MACROD2: variants seen among roughly 807,000 people sequenced by gnomAD.
MACROD2 encodes mono-ADP ribosylhydrolase 2, also known as ADP-ribose glycohydrolase MACROD2.
A neutral mutation model predicts 70.4 loss-of-function variants in MACROD2; 36 were observed. The observed-to-expected ratio is 0.51, with a 90% confidence interval of 0.39 to 0.68. The LOEUF (loss-of-function observed/expected upper bound fraction) is 0.68, where lower values mean the gene tolerates loss of function less well. Among genes scored for constraint, MACROD2 ranks in the 30% least tolerant of loss-of-function variants. The pLI is 0.00. For synonymous variants in MACROD2, 172 were observed against 178.8 expected (o/e 0.96, Z 0.30); for missense variants, 496 against 538.4 (o/e 0.92, Z 0.78).
rs144304678 is a variant in MACROD2 at position 15,864,846 on chromosome 20, G to A, written c.727+2020G>A. On this transcript the variant is annotated intron_variant, in intron 9 of 17. Coordinates refer to ENST00000684519, the MANE Select transcript of MACROD2 (RefSeq NM_001351661.2). ...ATAGGAAGTACATTTTAAACTAAATGTCAAAATCCTCAAAAATTGTGATTT... is the reference window on the plus strand; with the variant it reads ...ATAGGAAGTACATTTTAAACTAAATATCAAAATCCTCAAAAATTGTGATTT... 6.4e-3 allele frequency among the ~76,000 whole-genome samples: 978 copies of A among 152,174 alleles called. 6 individuals carry two copies. Among genetic ancestry groups the A allele is most frequent in the African/African-American group, 0.022 (925 of 41,530 alleles).
chr20:15,238,340 A>T (rs1023270686), intron 6 of MACROD2, among the ~76,000 whole-genome samples: 5 of 152,178 alleles, frequency 3.3e-5, no homozygotes, highest in African/African-American at 1.2e-4. Context: ...CTTAGCTAAT[A>T]GAAAAACAAT....
At chr20:15,868,564 C>A (rs905757157) in intron 9 of MACROD2, among the ~76,000 whole-genome samples, 1 of 151,078 alleles carries the variant, frequency 6.6e-6, no homozygotes, top group African/African-American at 2.4e-5. Flanking sequence ...TCTTTATATA[C>A]CTTAAGCAAG....
At chr20:15,209,319 C>T (rs1213696662) in intron 5 of MACROD2, among the ~76,000 whole-genome samples, 2 of 151,868 alleles carry the variant, frequency 1.3e-5, no homozygotes, top group East Asian at 3.9e-4. Context: ...GTATACTGTC[C>T]AGGGTTTTTA....
At chr20:14,841,334 A>AGCC (rs1422405789) in intron 5 of MACROD2, among the ~76,000 whole-genome samples, 1 of 152,208 alleles carries the variant, frequency 6.6e-6, no homozygotes, top group Non-Finnish European at 1.5e-5. Context: ...GAGTGAATGA[A>AGCC]CTAATTACTT....
chr20:14,258,658 G>T (rs1028690159), intron 3 of MACROD2, among the ~76,000 whole-genome samples: 1 of 152,008 alleles, frequency 6.6e-6, no homozygotes, highest in African/African-American at 2.4e-5. Context: ...CCATTGTGTG[G>T]GTTGTCTGTT....
At chr20:15,084,467 A>G (rs908714302) in intron 5 of MACROD2, among the ~76,000 whole-genome samples, 3 of 152,150 alleles carry the variant, frequency 2.0e-5, no homozygotes, top group Non-Finnish European at 4.4e-5. Flanking sequence ...CCACCAACAT[A>G]CAACATGAGT....
chr20:14,208,362 G>GC (rs2081543122), intron 3 of MACROD2, among the ~76,000 whole-genome samples: 2 of 152,138 alleles, frequency 1.3e-5, no homozygotes, highest in Admixed American at 1.3e-4. Flanking sequence ...CCAGGGGTTG[G>GC]CATGTTGTGG....
At chr20:14,714,177 C>A (rs1252572273) in intron 5 of MACROD2, among the ~76,000 whole-genome samples, 1 of 152,124 alleles carries the variant, frequency 6.6e-6, no homozygotes. Flanking sequence ...TGGAAAATGA[C>A]AGAGTCAGTA....
intron 8 of MACROD2, among the ~76,000 whole-genome samples, chr20:15,581,537 A>G (rs1168621394): frequency 6.6e-6 from 1 of 152,224 alleles, no homozygotes; most frequent in African/African-American, 2.4e-5. Flanking sequence ...TAACCAGGTA[A>G]CTGAAAGGTG....
chr20:14,729,532 G>T (rs569944017), intron 5 of MACROD2, among the ~76,000 whole-genome samples: 1 of 152,162 alleles, frequency 6.6e-6, no homozygotes, highest in African/African-American at 2.4e-5. Context: ...TAACGTCTCT[G>T]TGGGGGTAAG....
At chr20:14,399,590 C>G (rs906052367) in intron 3 of MACROD2, among the ~76,000 whole-genome samples, 18 of 151,994 alleles carry the variant, frequency 1.2e-4, no homozygotes, top group African/African-American at 4.3e-4. Context: ...TTTCTTGGTT[C>G]TGTGGATCCA....
At position 14,080,255 on chromosome 20, in the gene MACROD2, A is replaced by C. The variant is rs529973524; in HGVS notation, c.164-5366A>C. Among the ~76,000 whole-genome samples the C allele has an allele frequency of 5.8e-4, 88 of 152,028 alleles. 1 individual carries two copies. The highest frequency in any genetic ancestry group is 2.0e-3 in the African/African-American group (84 of 41,462). On this transcript the variant is annotated intron_variant, in intron 2 of 17. Transcript: ENST00000684519. The stretch of plus-strand genomic sequence containing the variant: ...TCAGAAGATCAAGACCATCCTGGCT[A>C]ATATGGTGAAACCCCATCTCTACTA...
chr20:15,022,343 A>G (rs1205140832), intron 5 of MACROD2, among the ~76,000 whole-genome samples: 1 of 152,180 alleles, frequency 6.6e-6, no homozygotes, highest in East Asian at 1.9e-4. Flanking sequence ...TTTAGGATCT[A>G]ATGGCAGAAA....
chr20:14,932,924 A>AGT (rs2074308795), intron 5 of MACROD2, among the ~76,000 whole-genome samples: 2 of 152,214 alleles, frequency 1.3e-5, no homozygotes, highest in Non-Finnish European at 2.9e-5. Context: ...TGAAATTTGG[A>AGT]TAATTATATA....
chr20:14,966,735 A>G (rs939357761), intron 5 of MACROD2, among the ~76,000 whole-genome samples: 3 of 151,724 alleles, frequency 2.0e-5, no homozygotes, highest in Non-Finnish European at 4.4e-5. Context: ...CTCTTGCTCA[A>G]CAAGACATTT....
chr20:14,243,720 C>G (rs1311540198), intron 3 of MACROD2, among the ~76,000 whole-genome samples: 1 of 152,104 alleles, frequency 6.6e-6, no homozygotes, highest in African/African-American at 2.4e-5. Flanking sequence ...CATGGGAAAC[C>G]AAGGCTGTTT....
chr20:15,326,866 T>C (rs2077935719), intron 6 of MACROD2, among the ~76,000 whole-genome samples: 1 of 152,066 alleles, frequency 6.6e-6, no homozygotes, highest in Non-Finnish European at 1.5e-5. Context: ...AGAGTTAAAC[T>C]GGTGGAGAGC....
At chr20:14,082,175 T>C (rs1259247711) in intron 2 of MACROD2, among the ~76,000 whole-genome samples, 2 of 74,868 alleles carry the variant, frequency 2.7e-5, no homozygotes, top group Non-Finnish European at 4.9e-5. Context: ...TTCTTTTTTT[T>C]TCTTTTTTTT....
chr20:14,657,871 A>C (rs565500033), intron 4 of MACROD2, among the ~76,000 whole-genome samples: 5 of 152,260 alleles, frequency 3.3e-5, no homozygotes, highest in African/African-American at 1.2e-4. Flanking sequence ...TCTGACTTCT[A>C]AGTCACACTC....
Sources: gnomAD v4.1 joint callset for allele counts (sites outside exome capture counted in the v4.1 genomes callset) on GRCh38, gnomAD v4.1.1 for gene constraint, MANE v1.5 for transcripts, NCBI Gene and HGNC (gene_info 2026-07-23, HGNC 2026-07-21) for gene names.